SLIT1: variants seen among roughly 807,000 people sequenced by gnomAD.
SLIT1 encodes slit guidance ligand 1.
In SLIT1, 66 loss-of-function variants were observed where a neutral mutation model predicts 186.1. That is an observed-to-expected ratio of 0.35 (90% CI 0.29 to 0.44). The LOEUF (loss-of-function observed/expected upper bound fraction) is 0.44, where lower values mean the gene tolerates loss of function less well. SLIT1 is among the 20% of genes least tolerant of loss of function. The probability of loss-of-function intolerance (pLI) is 1.00; values close to 1 mark genes in which losing one functional copy is unlikely to be tolerated. For missense variants in SLIT1, 1,638 were observed against 2,037.4 expected, an observed-to-expected ratio of 0.80 and a Z score of 3.77; for synonymous variants, 761 against 833.8, an observed-to-expected ratio of 0.91 and a Z score of 1.50.
At chr10:97,031,828 G>T in intron 23 of SLIT1, 151 bp from the exon 24 acceptor site, 1 of 617,586 alleles carries the variant, frequency 1.6e-6, no homozygotes. Context: ...GCATGGGCTG[G>T]GCTGCGCCCT....
At chr10:97,079,780 T>G (rs1849085050) in intron 4 of SLIT1, among the ~76,000 whole-genome samples, 1 of 152,168 alleles carries the variant, frequency 6.6e-6, no homozygotes, top group Non-Finnish European at 1.5e-5. Context: ...GTGAAGATGC[T>G]GCATCTTCCA....
chr10:97,118,259 G>A (rs192741399), intron 4 of SLIT1, among the ~76,000 whole-genome samples: 39 of 152,310 alleles, frequency 2.6e-4, no homozygotes, highest in African/African-American at 9.1e-4. Context: ...CGAGCAGCCC[G>A]AGGTCACAGG....
In SLIT1 at chr10:97,006,357, G is replaced by A. The variant is rs1391606134; in HGVS notation, c.3579+126C>T. On this transcript the variant is annotated intron_variant, in intron 32 of 36. Coordinates refer to ENST00000266058, the MANE Select transcript of SLIT1 (RefSeq NM_003061.3). This position sits in a 1 kb window ranked among gnomAD's most constrained non-coding sequence, Gnocchi z 4.0. Reference sequence around the variant, plus strand: ...AGATTTTGATACCCATATGCAAAACGTTTTGATTACACAGAGTCCTTCCAG... The same window carrying A: ...AGATTTTGATACCCATATGCAAAACATTTTGATTACACAGAGTCCTTCCAG... 23 of 662,602 alleles carry A rather than the reference G, an allele frequency of 3.5e-5. No homozygotes were observed. The highest frequency in any genetic ancestry group is 2.4e-4 in the South Asian group (13 of 53,610). 41.0% of individuals were successfully genotyped at this position (662,602 alleles called of 1,614,324 possible). A position where few individuals can be genotyped will look rare whatever the true frequency, so the allele number is the denominator to read the frequency against.
At chr10:97,037,048 TTG>T (rs59578209) in intron 22 of SLIT1, among the ~76,000 whole-genome samples, 19,330 of 116,488 alleles carry the variant, frequency 0.17, 677 homozygotes, top group East Asian at 0.23. Flanking sequence ...ATAACCCCCT[TTG>T]TGTGTGTGTG....
chr10:97,125,780 G>A lies in SLIT1; in HGVS notation c.413+32038C>T, dbSNP rs939869040. ...TTTGAAACCAGGAGGCAGAGGTTTC[G>A]GTGAGCTGAGATCGCACCACTGAGC... On this transcript the variant is annotated intron_variant, in intron 4 of 36. Coordinates refer to ENST00000266058, the MANE Select transcript of SLIT1 (RefSeq NM_003061.3). 4.0e-5 allele frequency among the ~76,000 whole-genome samples: 6 copies of A among 151,568 alleles called. No homozygotes were observed. In the East Asian group the frequency reaches 7.8e-4, roughly 20 times the overall value.
chr10:97,098,341 A>G (rs1034794764), intron 4 of SLIT1, among the ~76,000 whole-genome samples: 15 of 152,224 alleles, frequency 9.9e-5, no homozygotes, highest in African/African-American at 3.4e-4. Context: ...AGACAGGCTG[A>G]GGAAGTGGTA....
chr10:97,184,601 A>G lies in SLIT1; in HGVS notation c.197+877T>C, dbSNP rs555208458. Reference sequence around the variant, plus strand: ...AACACACCCAAACACACACACACACATTCTACTAGCTTACTGGGTCTAGAA... The same window carrying G: ...AACACACCCAAACACACACACACACGTTCTACTAGCTTACTGGGTCTAGAA... On this transcript the variant is annotated intron_variant, in intron 1 of 36. Coordinates refer to ENST00000266058, the MANE Select transcript of SLIT1 (RefSeq NM_003061.3). The surrounding 1 kb of genome is among the most constrained non-coding windows in gnomAD (Gnocchi z 4.4). 8.1e-4 allele frequency among the ~76,000 whole-genome samples: 123 copies of G among 152,320 alleles called. 1 individual carries two copies. Among genetic ancestry groups the G allele is most frequent in the African/African-American group, 2.9e-3 (119 of 41,576 alleles).
At chr10:97,122,674 G>C (rs192584612) in intron 4 of SLIT1, among the ~76,000 whole-genome samples, 1 of 152,290 alleles carries the variant, frequency 6.6e-6, no homozygotes, top group Non-Finnish European at 1.5e-5. Context: ...AGGCACATCT[G>C]AGAGGAGCTC....
intron 25 of SLIT1, among the ~76,000 whole-genome samples, chr10:97,030,047 G>A (rs774729159): frequency 9.2e-5 from 14 of 152,108 alleles, no homozygotes; most frequent in East Asian, 3.8e-4. Flanking sequence ...TTTCCAGTTC[G>A]GGGTTATTAT....
At chr10:97,029,023 C>T (rs574142470) in intron 25 of SLIT1, among the ~76,000 whole-genome samples, 9 of 152,310 alleles carry the variant, frequency 5.9e-5, no homozygotes, top group Middle Eastern at 3.4e-3. Flanking sequence ...CAGTGCGGTC[C>T]TCAAGACAGT....
At chr10:97,069,172 C>T (rs1249872359) in intron 4 of SLIT1, among the ~76,000 whole-genome samples, 1 of 152,204 alleles carries the variant, frequency 6.6e-6, no homozygotes, top group African/African-American at 2.4e-5. Context: ...GCTGTACAGG[C>T]CACACAGGTA....
intron 25 of SLIT1, among the ~76,000 whole-genome samples, chr10:97,024,717 A>G (rs1163065864): frequency 6.6e-6 from 1 of 152,284 alleles, no homozygotes; most frequent in Non-Finnish European, 1.5e-5. Context: ...TATTCGAAAG[A>G]TAAATACACA....
At chr10:97,133,759 T>C in intron 4 of SLIT1, among the ~76,000 whole-genome samples, 1 of 152,170 alleles carries the variant, frequency 6.6e-6, no homozygotes, top group South Asian at 2.1e-4. Flanking sequence ...TCTCCTTCTA[T>C]TTGCTTGGAA....
At chr10:97,045,141 C>A (rs1045405322) in intron 18 of SLIT1, among the ~76,000 whole-genome samples, 1 of 152,154 alleles carries the variant, frequency 6.6e-6, no homozygotes, top group South Asian at 2.1e-4. Context: ...CTATAAACCT[C>A]CAGTCTGTGG....
At chr10:97,023,928 CTG>C (rs1848523002) in intron 25 of SLIT1, among the ~76,000 whole-genome samples, 1 of 150,258 alleles carries the variant, frequency 6.7e-6, no homozygotes. Context: ...GGCGACAAGA[CTG>C]AAACTCAGTG....
intron 25 of SLIT1, among the ~76,000 whole-genome samples, chr10:97,029,987 C>T (rs933928861): frequency 6.6e-6 from 1 of 152,196 alleles, no homozygotes; most frequent in Admixed American, 6.5e-5. Flanking sequence ...GGCCAATACC[C>T]CATTGTATGT....
intron 28 of SLIT1, 65 bp from the exon 29 acceptor site, chr10:97,014,223 CCGGTTAATAT>C: frequency 6.4e-7 from 1 of 1,569,456 alleles, no homozygotes; most frequent in Non-Finnish European, 8.7e-7. Flanking sequence ...CCTGTGGCTG[CCGGTTAATAT>C]CACCATTCCA....
intron 25 of SLIT1, among the ~76,000 whole-genome samples, chr10:97,024,401 C>T (rs1443331121): frequency 6.6e-6 from 1 of 152,148 alleles, no homozygotes; most frequent in African/African-American, 2.4e-5. Flanking sequence ...AAAGAGCCTG[C>T]AACCTAGAGG....
intron 4 of SLIT1, among the ~76,000 whole-genome samples, chr10:97,150,792 G>A (rs927804946): frequency 6.6e-6 from 1 of 152,092 alleles, no homozygotes; most frequent in Non-Finnish European, 1.5e-5. Context: ...CGTGGTGGGC[G>A]GACACCCTGC....
Sources: allele counts gnomAD v4.1 joint callset (sites outside exome capture counted in the v4.1 genomes callset), GRCh38; gene constraint gnomAD v4.1.1; non-coding constraint Gnocchi (gnomAD v3.1); transcripts MANE v1.5; gene names NCBI Gene and HGNC (gene_info 2026-07-23, HGNC 2026-07-21).